The following HMCN1 variants were observed in gnomAD, a reference collection of about 807,000 sequenced individuals.
HMCN1 encodes the protein hemicentin-1.
In HMCN1, 321 loss-of-function variants were observed where a neutral mutation model predicts 625.9. That is an observed-to-expected ratio of 0.51 (90% CI 0.47 to 0.56). The LOEUF (loss-of-function observed/expected upper bound fraction) is 0.56, where lower values mean the gene tolerates loss of function less well. HMCN1 is among the 20% of genes least tolerant of loss of function. The pLI is 0.00. For missense variants in HMCN1, 6,588 were observed against 6,887.3 expected, an observed-to-expected ratio of 0.96 and a Z score of 1.54; for synonymous variants, 2,425 against 2,417.6, an observed-to-expected ratio of 1.00 and a Z score of -0.09.
rs74134272 is a variant in HMCN1 at position 185,997,511 on chromosome 1, A to G, written c.3861A>G (p.Pro1287=). 4.0e-3 allele frequency: 6,459 copies of G among 1,607,362 alleles called. 219 individuals carry two copies. In the African/African-American group the frequency reaches 0.076, roughly 19 times the overall value. The change falls in exon 25 of 107, where the codon CCA becomes CCG. Residue 1287 remains proline (P), a synonymous_variant. Transcript: ENST00000271588. The stretch of plus-strand genomic sequence containing the variant: ...TGGCCAATCAACGCATTGAATTTCC[A>G]TGTCCTGCAAAAGGTACGTAATACT... ...ERVANQRIEF[P]CPAKGTPKPT...
rs1378615482 is a variant in HMCN1 at position 186,095,450 on chromosome 1, C to T, written c.10502C>T (p.Ser3501Leu). ...LQLLKAETED[S>L]GKYTCIASNE... The stretch of plus-strand genomic sequence containing the variant: ...CTCCTCAAAGCAGAGACTGAAGATT[C>T]GGGAAAGTACACCTGCATTGCCTCA... The change falls in exon 68 of 107, where the codon TCG (serine) becomes TTG (leucine). Residue 3501 changes from serine to leucine, a missense_variant. By Grantham distance (145) the Ser-to-Leu change is moderately radical. This residue lies in a region of HMCN1 where 4,628 missense variants were observed against 4,853.1 expected (regional missense o/e 0.95). Coordinates refer to ENST00000271588, the MANE Select transcript of HMCN1 (RefSeq NM_031935.3). 6.2e-6 allele frequency: 10 copies of T among 1,613,632 alleles called. No individual in the cohort carries two copies. In the East Asian group the frequency reaches 1.1e-4, roughly 18 times the overall value.
At chr1:186,149,384 T>C (rs1650533940) in intron 93 of HMCN1, among the ~76,000 whole-genome samples, 1 of 152,230 alleles carries the variant, frequency 6.6e-6, no homozygotes, top group Non-Finnish European at 1.5e-5. Context: ...GTTACTTAAA[T>C]GGCTTCTGTC....
Position 186,070,711 on chromosome 1 carries a change from C to T in HMCN1, c.8093C>T (p.Ala2698Val), listed in dbSNP as rs1208182724. Residue 2698 changes from alanine (A) to valine (V), a missense_variant, in exon 52 of 107, where the codon GCG becomes GTG. Physicochemically the swap from Ala to Val is moderately conservative, Grantham distance 64. Coordinates refer to ENST00000271588, the MANE Select transcript of HMCN1 (RefSeq NM_031935.3). Reference sequence around the variant, plus strand: ...AACACTCTGACCTTGGAATGTGAAGCGTATGCAATTCCTTCTGCCTCCCTC... The same window carrying T: ...AACACTCTGACCTTGGAATGTGAAGTGTATGCAATTCCTTCTGCCTCCCTC... ...VNNTLTLECEAYAIPSASLSW... is the reference protein window; with the variant it reads ...VNNTLTLECEVYAIPSASLSW... The T allele has an allele frequency of 2.2e-5, 35 of 1,613,832 alleles. No individual in the cohort carries two copies. Among genetic ancestry groups the T allele is most frequent in the Non-Finnish European group, 2.6e-5 (31 of 1,179,808 alleles).
chr1:186,008,521 A>G (rs1017705892), intron 30 of HMCN1, among the ~76,000 whole-genome samples: 24 of 152,156 alleles, frequency 1.6e-4, no homozygotes, highest in African/African-American at 5.5e-4. Context: ...ACTTAAAATT[A>G]CATATGTGAG....
intron 93 of HMCN1, 75 bp downstream of exon 93, chr1:186,145,998 A>G: frequency 6.9e-7 from 1 of 1,456,868 alleles, no homozygotes; most frequent in Non-Finnish European, 9.5e-7. Context: ...CACAAATTAC[A>G]AAACAATGCC....
chr1:185,962,405 G>A, intron 11 of HMCN1, 113 bp from the exon 12 acceptor site: 1 of 838,810 alleles, frequency 1.2e-6, no homozygotes, highest in South Asian at 1.3e-5. Context: ...TTCATCCATA[G>A]AGGAAGGCAA....
chr1:186,086,167 G>C, intron 57 of HMCN1, 79 bp from the exon 58 acceptor site: 2 of 1,283,036 alleles, frequency 1.6e-6, no homozygotes, highest in East Asian at 4.6e-5. Flanking sequence ...GCAGAGTACA[G>C]TGGTTGGATT....
At chr1:186,061,788 G>C (rs1571799989) in intron 46 of HMCN1, 63 bp from the exon 47 acceptor site, 2 of 1,117,546 alleles carry the variant, frequency 1.8e-6, no homozygotes, top group Non-Finnish European at 2.7e-6. Flanking sequence ...GCATCACTTG[G>C]ATGGCTTATA....
chr1:185,862,206 T>C lies in HMCN1; in HGVS notation c.340-2264T>C, dbSNP rs541537638. Among the ~76,000 whole-genome samples the C allele has an allele frequency of 3.9e-5, 6 of 152,192 alleles. No homozygotes were observed. The South Asian group carries it at 1.2e-3, about 32-fold the overall frequency. On this transcript the variant is annotated intron_variant, in intron 2 of 106. Coordinates refer to ENST00000271588, the MANE Select transcript of HMCN1 (RefSeq NM_031935.3). ...ATAGAAAGATAGAAAGATTATTTGA[T>C]CCAACACAAGTAGTGAAATATTTTA...
intron 4 of HMCN1, among the ~76,000 whole-genome samples, chr1:185,905,622 C>G (rs894318571): frequency 2.6e-5 from 4 of 151,800 alleles, no homozygotes; most frequent in Non-Finnish European, 4.4e-5. Flanking sequence ...GACTTCACTT[C>G]TATTCCTAAT....
chr1:186,103,180 A>G (rs1180665352), intron 68 of HMCN1, among the ~76,000 whole-genome samples: 1 of 152,064 alleles, frequency 6.6e-6, no homozygotes, highest in East Asian at 1.9e-4. Flanking sequence ...TATTGTTTTC[A>G]AATCTTTCAG....
intron 40 of HMCN1, among the ~76,000 whole-genome samples, chr1:186,044,556 C>A (rs1275596248): frequency 6.6e-6 from 1 of 152,092 alleles, no homozygotes; most frequent in Non-Finnish European, 1.5e-5. Flanking sequence ...AAGTATCAAG[C>A]CTGAAACAAT....
chr1:186,033,064 G>GTGCACA (rs1553278253), intron 36 of HMCN1, among the ~76,000 whole-genome samples: 2 of 140,314 alleles, frequency 1.4e-5, no homozygotes, highest in African/African-American at 5.1e-5. Flanking sequence ...ATACACACAC[G>GTGCACA]CACACACACA....
rs59987592 is a variant in HMCN1 at position 185,893,246 on chromosome 1, T to C, written c.622-16091T>C. On this transcript the variant is annotated intron_variant, in intron 4 of 106. Transcript: ENST00000271588. ...AGTGAGATGAACCCGGTACATCAGA[T>C]GGAAATGCAGAAATCACCCATCTTC... Among the ~76,000 whole-genome samples the C allele has an allele frequency of 7.1e-3, 1,075 of 152,268 alleles. 13 individuals carry two copies. The highest frequency in any genetic ancestry group is 0.023 in the African/African-American group (963 of 41,566).
Position 186,114,075 on chromosome 1 carries a change from G to A in HMCN1, c.11228G>A (p.Arg3743Lys). 1 of 1,614,054 alleles carries A rather than the reference G, an allele frequency of 6.2e-7. No homozygotes were observed. Among genetic ancestry groups the A allele is most frequent in the South Asian group, 1.1e-5 (1 of 91,074 alleles). The change falls in exon 73 of 107, where the codon AGG becomes AAG. Residue 3743 changes from arginine to lysine, a missense_variant. Coordinates refer to ENST00000271588, the MANE Select transcript of HMCN1 (RefSeq NM_031935.3). The part of the protein sequence containing the change: ...ECIAEGVPTP[R>K]ITWRKDGAVL... The stretch of plus-strand genomic sequence containing the variant: ...ATCGCTGAAGGTGTGCCAACTCCAA[G>A]GATAACATGGAGAAAGGATGGAGCT...
At chr1:185,739,670 T>C (rs1221310886) in intron 1 of HMCN1, among the ~76,000 whole-genome samples, 1 of 152,128 alleles carries the variant, frequency 6.6e-6, no homozygotes, top group Non-Finnish European at 1.5e-5. Context: ...TTGCTTCACA[T>C]AAAAGGGCGT....
rs1351266096 is a variant in HMCN1, at chr1:185,982,407, GCATGCATTCA to G, written c.2790+22_2790+31del. 5.0e-6 allele frequency: 8 copies of G among 1,605,264 alleles called. No homozygotes were observed. The highest frequency in any genetic ancestry group is 6.8e-6 in the Non-Finnish European group (8 of 1,172,592). On this transcript the variant is annotated intron_variant, in intron 18 of 106. Coordinates refer to ENST00000271588, the MANE Select transcript of HMCN1 (RefSeq NM_031935.3). ...CAGCTATGGTAAGAACATTTTAAAT[GCATGCATTCA>G]CATTCTTTTGTGAGTTTTCTTTTCT...
Position 186,114,862 on chromosome 1 carries a change from C to T in HMCN1, c.11320C>T (p.His3774Tyr). ...TGGATTCCTTCATATTCAATCAGCA[C>T]ATGTCACTGACACTGGACGGTATTT... ...ENGFLHIQSAHVTDTGRYLCM... is the reference protein window; with the variant it reads ...ENGFLHIQSAYVTDTGRYLCM... Residue 3774 changes from histidine to tyrosine, a missense_variant, in exon 74 of 107, where the codon CAT becomes TAT. Coordinates refer to ENST00000271588, the MANE Select transcript of HMCN1 (RefSeq NM_031935.3). 1 of 1,614,028 alleles carries T rather than the reference C, an allele frequency of 6.2e-7. No homozygotes were observed. The highest frequency in any genetic ancestry group is 8.5e-7 in the Non-Finnish European group (1 of 1,179,862).
intron 19 of HMCN1, among the ~76,000 whole-genome samples, chr1:185,985,426 G>T (rs1311224181): frequency 2.6e-5 from 4 of 152,032 alleles, no homozygotes; most frequent in African/African-American, 9.7e-5. Context: ...GACTTCTAGT[G>T]ACTGCCTAGA....
Sources: allele counts gnomAD v4.1 joint callset (sites outside exome capture counted in the v4.1 genomes callset), GRCh38; gene constraint gnomAD v4.1.1; regional missense constraint gnomAD v4.1.1; transcripts MANE v1.5; gene names NCBI Gene and HGNC (gene_info 2026-07-23, HGNC 2026-07-21).